Variants in RBMS3 observed in about 807,000 individuals in gnomAD.
The protein encoded by RBMS3 is RNA binding motif single stranded interacting protein 3, also known as RNA-binding motif, single-stranded-interacting protein 3.
RBMS3 carries 27 observed loss-of-function variants against 66.8 expected under a neutral mutation model. That is an observed-to-expected ratio of 0.40 (90% CI 0.30 to 0.56). RBMS3 has a LOEUF of 0.56. RBMS3 is among the 20% of genes least tolerant of loss of function. The pLI, the probability that RBMS3 is intolerant of heterozygous loss-of-function variation, is 0.40. For missense variants in RBMS3, 513 were observed against 549.5 expected (o/e 0.93, Z 0.66); for synonymous variants, 188 against 183.0 (o/e 1.03, Z -0.22).
chr3:29,534,886 G>C (rs993532693), intron 3 of RBMS3, among the ~76,000 whole-genome samples: 1 of 151,730 alleles, frequency 6.6e-6, no homozygotes, highest in Non-Finnish European at 1.5e-5. Flanking sequence ...TTCTTGATGG[G>C]AAAGATTATT....
At chr3:29,745,393 T>C (rs1028916325) in intron 5 of RBMS3, among the ~76,000 whole-genome samples, 11 of 152,128 alleles carry the variant, frequency 7.2e-5, no homozygotes, top group Admixed American at 2.0e-4. Context: ...GCAGAGCTAG[T>C]GAATGCCAAC....
At chr3:29,457,833 T>C (rs1026446428) in intron 2 of RBMS3, among the ~76,000 whole-genome samples, 112 of 152,098 alleles carry the variant, frequency 7.4e-4, no homozygotes, top group Non-Finnish European at 1.3e-3. Flanking sequence ...TGCACTTTTT[T>C]TTTTTTTTTT....
intron 3 of RBMS3, among the ~76,000 whole-genome samples, chr3:29,538,865 C>T (rs1351518942): frequency 6.6e-6 from 1 of 151,964 alleles, no homozygotes; most frequent in Non-Finnish European, 1.5e-5. Flanking sequence ...TTTTTTATTT[C>T]TGTAAAATAA....
intron 1 of RBMS3, among the ~76,000 whole-genome samples, chr3:29,312,456 A>C (rs1286750773): frequency 6.6e-6 from 1 of 151,744 alleles, no homozygotes; most frequent in Non-Finnish European, 1.5e-5. Context: ...ATAATTCAGA[A>C]CTTGAGTTTA....
rs946335437 is a variant in RBMS3, at chr3:30,003,735, TG to T, written c.1308-120del. ...ACTCAGTATGATTTTATGATGCTTT[TG>T]TGACTATGTTACATTGAAAGCTTGG... On this transcript the variant is annotated intron_variant, in intron 14 of 14. Coordinates refer to ENST00000383767, the MANE Select transcript of RBMS3 (RefSeq NM_001003793.3). 22 of 597,134 alleles carry T rather than the reference TG, an allele frequency of 3.7e-5. No homozygotes were observed. The African/African-American group carries it at 4.2e-4, about 11-fold the overall frequency. 37.0% of individuals were successfully genotyped at this position (597,134 alleles called of 1,614,324 possible).
chr3:29,658,738 A>G lies in RBMS3; in HGVS notation c.399+71533A>G, dbSNP rs558527176. On this transcript the variant is annotated intron_variant, in intron 4 of 14. Transcript: ENST00000383767. The stretch of plus-strand genomic sequence containing the variant: ...GGAATGTAGTTTTAAGAGCCAGTGA[A>G]GTAAGAGTAATCTGCCTCAATATTA... Among the ~76,000 whole-genome samples the G allele has an allele frequency of 5.3e-5, 8 of 152,346 alleles. No individual in the cohort carries two copies. The South Asian group carries it at 6.2e-4, about 12-fold the overall frequency.
At chr3:29,917,561 G>A (rs1265613277) in intron 10 of RBMS3, among the ~76,000 whole-genome samples, 1 of 151,958 alleles carries the variant, frequency 6.6e-6, no homozygotes, top group Non-Finnish European at 1.5e-5. Flanking sequence ...AATTAAACTG[G>A]CCATACATTC....
At chr3:29,562,799 C>T (rs1158810574) in intron 3 of RBMS3, among the ~76,000 whole-genome samples, 1 of 152,178 alleles carries the variant, frequency 6.6e-6, no homozygotes, top group Non-Finnish European at 1.5e-5. Context: ...TCATCATAAG[C>T]ATAGGTTATC....
chr3:29,826,517 T>C (rs1221895521), intron 6 of RBMS3, among the ~76,000 whole-genome samples: 1 of 152,184 alleles, frequency 6.6e-6, no homozygotes, highest in African/African-American at 2.4e-5. Context: ...GTATTAGTCT[T>C]CTATTGGTGT....
chr3:29,950,935 C>A (rs953416396), intron 12 of RBMS3, among the ~76,000 whole-genome samples: 1 of 151,818 alleles, frequency 6.6e-6, no homozygotes, highest in Non-Finnish European at 1.5e-5. Context: ...TTTTAACTAA[C>A]AATGTAAAAT....
chr3:29,917,010 C>A lies in RBMS3; in HGVS notation c.939+17255C>A, dbSNP rs182166276. On this transcript the variant is annotated intron_variant, in intron 10 of 14. Coordinates refer to ENST00000383767, the MANE Select transcript of RBMS3 (RefSeq NM_001003793.3). The stretch of plus-strand genomic sequence containing the variant: ...TTAACACTGAAAATGTTAAATTGCT[C>A]TATAGTTAGTGACTTATTGGAAAAA... Among the ~76,000 whole-genome samples the A allele has an allele frequency of 2.2e-3, 339 of 151,998 alleles. 1 individual carries two copies. The highest frequency in any genetic ancestry group is 7.7e-3 in the African/African-American group (320 of 41,506).
At chr3:29,741,854 G>A (rs1186600355) in intron 5 of RBMS3, among the ~76,000 whole-genome samples, 2 of 152,056 alleles carry the variant, frequency 1.3e-5, no homozygotes, top group East Asian at 1.9e-4. Flanking sequence ...TCCTCACATG[G>A]TCTTCCTTCT....
chr3:29,706,707 A>G (rs1410776841), intron 4 of RBMS3, among the ~76,000 whole-genome samples: 3 of 152,250 alleles, frequency 2.0e-5, no homozygotes, highest in East Asian at 1.9e-4. Context: ...CATAGAGTCC[A>G]TCACCATCAT....
intron 4 of RBMS3, among the ~76,000 whole-genome samples, chr3:29,600,720 G>T (rs906628323): frequency 6.6e-6 from 1 of 151,946 alleles, no homozygotes; most frequent in African/African-American, 2.4e-5. Flanking sequence ...GAAAATTATG[G>T]CAAAGCCATC....
At chr3:29,669,154 G>A (rs1559552710) in intron 4 of RBMS3, among the ~76,000 whole-genome samples, 1 of 152,344 alleles carries the variant, frequency 6.6e-6, no homozygotes, top group East Asian at 1.9e-4. Flanking sequence ...AGCCTGTGGT[G>A]TGGAGTGTGC....
Position 30,005,714 on chromosome 3 carries a change from A to G in RBMS3, c.*1852A>G, listed in dbSNP as rs1392031651. 1 of 151,642 alleles carries G rather than the reference A, an allele frequency of 6.6e-6. No individual in the cohort carries two copies. Among genetic ancestry groups the G allele is most frequent in the Non-Finnish European group, 1.5e-5 (1 of 67,744 alleles). The allele number at this position is 151,642 out of a possible 1,614,324, so 9.4% of individuals were successfully genotyped here. On this transcript the variant is annotated 3_prime_UTR_variant, in exon 15 of 15. Transcript: ENST00000383767. ...TTGCCTGTTTTCACTGTATTTTTGT[A>G]TATTGGTGTTGCCGAAAGAACTTTT...
chr3:29,929,129 G>A (rs1302448261), intron 10 of RBMS3, among the ~76,000 whole-genome samples: 1 of 152,170 alleles, frequency 6.6e-6, no homozygotes, highest in African/African-American at 2.4e-5. Context: ...AAGTGTACAA[G>A]TTTAATGACA....
At chr3:29,801,858 A>C (rs1262072207) in intron 6 of RBMS3, among the ~76,000 whole-genome samples, 1 of 152,024 alleles carries the variant, frequency 6.6e-6, no homozygotes, top group East Asian at 1.9e-4. Context: ...CTTTCATCTT[A>C]ATTTCCTCAT....
At chr3:29,637,343 AC>A in intron 4 of RBMS3, among the ~76,000 whole-genome samples, 1 of 151,850 alleles carries the variant, frequency 6.6e-6, no homozygotes, top group East Asian at 1.9e-4. Context: ...GATATGCTCT[AC>A]CCACCACCAC....
Sources: gnomAD v4.1 joint callset for allele counts (sites outside exome capture counted in the v4.1 genomes callset) on GRCh38, gnomAD v4.1.1 for gene constraint, MANE v1.5 for transcripts, NCBI Gene and HGNC (gene_info 2026-07-23, HGNC 2026-07-21) for gene names.